The following MDGA2 variants were observed in gnomAD, a reference collection of about 807,000 sequenced individuals.
MDGA2 encodes the protein MAM domain-containing glycosylphosphatidylinositol anchor protein 2.
A neutral mutation model predicts 117.8 loss-of-function variants in MDGA2; 40 were observed. The observed-to-expected ratio is 0.34, with a 90% CI of 0.26 to 0.44. The LOEUF (loss-of-function observed/expected upper bound fraction) is 0.44, where lower values mean the gene tolerates loss of function less well. Among genes scored for constraint, MDGA2 ranks in the 20% least tolerant of loss-of-function variants. The pLI, the probability that MDGA2 is intolerant of heterozygous loss-of-function variation, is 1.00. For synonymous variants in MDGA2, 452 were observed against 439.0 expected (o/e 1.03, Z -0.37); for missense variants, 1,123 against 1,250.6 (o/e 0.90, Z 1.54).
intron 14 of MDGA2, among the ~76,000 whole-genome samples, chr14:46,858,594 A>AG: frequency 6.6e-6 from 1 of 151,278 alleles, no homozygotes; most frequent in East Asian, 2.0e-4. Flanking sequence ...CACCCGGCTA[A>AG]TTTTTTGTAT....
chr14:47,121,470 A>T (rs868520430), intron 5 of MDGA2, among the ~76,000 whole-genome samples: 9 of 152,036 alleles, frequency 5.9e-5, no homozygotes, highest in Non-Finnish European at 1.3e-4. Context: ...TTTCGCTATG[A>T]TTTAATATTA....
chr14:47,024,484 T>C (rs1888403293), intron 8 of MDGA2, among the ~76,000 whole-genome samples: 1 of 152,206 alleles, frequency 6.6e-6, no homozygotes, highest in Non-Finnish European at 1.5e-5. Flanking sequence ...GAATACTTCC[T>C]GTTTCTTAAA....
chr14:46,977,642 C>G (rs928044007), intron 8 of MDGA2, among the ~76,000 whole-genome samples: 1 of 151,810 alleles, frequency 6.6e-6, no homozygotes. Flanking sequence ...CTAATTAAGT[C>G]AGAATTTTAC....
intron 5 of MDGA2, among the ~76,000 whole-genome samples, chr14:47,120,189 G>A (rs996204426): frequency 6.6e-6 from 1 of 152,118 alleles, no homozygotes; most frequent in Non-Finnish European, 1.5e-5. Flanking sequence ...AACGTAAAGA[G>A]TAGCTTTAAT....
At chr14:46,966,726 A>T (rs1886043722) in intron 8 of MDGA2, among the ~76,000 whole-genome samples, 1 of 145,052 alleles carries the variant, frequency 6.9e-6, no homozygotes, top group Admixed American at 7.1e-5. Context: ...TAAAGTCATT[A>T]AGTAACAAGT....
chr14:47,423,290 C>G (rs562677571), intron 1 of MDGA2, among the ~76,000 whole-genome samples: 1 of 152,276 alleles, frequency 6.6e-6, no homozygotes, highest in South Asian at 2.1e-4. Context: ...AAGTAATTCA[C>G]TTCTGTGAGT....
rs571798393 is a variant in MDGA2 at position 47,243,745 on chromosome 14, G to T, written c.421-25550C>A. 6.6e-5 allele frequency among the ~76,000 whole-genome samples: 10 copies of T among 151,850 alleles called. No individual in the cohort carries two copies. The East Asian group carries it at 1.9e-3, about 29-fold the overall frequency. Reference sequence around the variant, plus strand: ...CACCTTAAGAGCTGTAACGCTCACCGCGAGGGTCCGAGGCTTCATTCTTGA... The same window carrying T: ...CACCTTAAGAGCTGTAACGCTCACCTCGAGGGTCCGAGGCTTCATTCTTGA... On this transcript the variant is annotated intron_variant, in intron 2 of 16. Transcript: ENST00000399232.
chr14:47,535,560 T>C (rs941627573), intron 1 of MDGA2, among the ~76,000 whole-genome samples: 4 of 152,180 alleles, frequency 2.6e-5, no homozygotes, highest in African/African-American at 7.2e-5. Context: ...AGAAAGGACG[T>C]GGAAGAAGTG....
At chr14:47,579,668 T>A (rs960071187) in intron 1 of MDGA2, among the ~76,000 whole-genome samples, 1 of 152,046 alleles carries the variant, frequency 6.6e-6, no homozygotes, top group Admixed American at 6.6e-5. Flanking sequence ...TTCTCACTTT[T>A]AAAATGAAAT....
In MDGA2 at chr14:47,035,314, G is replaced by T. The variant is rs757767640; in HGVS notation, c.1526-10C>A. ...GTCAGATTGGGTGGAACTTGAAATG[G>T]GAAAAAGAAAATTTTTCAAGGTTAG... On this transcript the variant is annotated splice_polypyrimidine_tract_variant and intron_variant, in intron 7 of 16. Coordinates refer to ENST00000399232, the MANE Select transcript of MDGA2 (RefSeq NM_001113498.3). 1 of 1,597,716 alleles carries T rather than the reference G, an allele frequency of 6.3e-7. No homozygotes were observed.
At chr14:47,248,218 A>T (rs1171231018) in intron 2 of MDGA2, among the ~76,000 whole-genome samples, 1 of 151,634 alleles carries the variant, frequency 6.6e-6, no homozygotes, top group African/African-American at 2.4e-5. Context: ...AATAAATAAA[A>T]AAAATAAATA....
intron 10 of MDGA2, among the ~76,000 whole-genome samples, chr14:46,914,958 C>T (rs1357514529): frequency 1.3e-5 from 2 of 151,964 alleles, no homozygotes; most frequent in South Asian, 2.1e-4. Context: ...AAAATTTGGC[C>T]TTCTAGTAAA....
intron 1 of MDGA2, among the ~76,000 whole-genome samples, chr14:47,383,005 C>A (rs559833354): frequency 6.6e-6 from 1 of 152,146 alleles, no homozygotes; most frequent in East Asian, 1.9e-4. Flanking sequence ...ACATATACAC[C>A]AGGAAATACT....
At chr14:46,930,894 T>A (rs1471175420) in intron 9 of MDGA2, among the ~76,000 whole-genome samples, 1 of 152,094 alleles carries the variant, frequency 6.6e-6, no homozygotes, top group South Asian at 2.1e-4. Flanking sequence ...GGAAATCAAT[T>A]GTACTTAAAA....
chr14:47,105,429 G>C (rs1330373653), intron 5 of MDGA2, among the ~76,000 whole-genome samples: 2 of 151,194 alleles, frequency 1.3e-5, no homozygotes, highest in African/African-American at 4.9e-5. Flanking sequence ...CTTCACTATG[G>C]GTAAGCTTCC....
intron 8 of MDGA2, among the ~76,000 whole-genome samples, chr14:46,998,845 G>A (rs1020642263): frequency 2.0e-4 from 31 of 151,930 alleles, no homozygotes; most frequent in African/African-American, 7.5e-4. Flanking sequence ...ATTGGACAAG[G>A]AATTTGATGC....
intron 3 of MDGA2, among the ~76,000 whole-genome samples, chr14:47,159,988 T>C (rs1210178779): frequency 6.6e-6 from 1 of 152,188 alleles, no homozygotes; most frequent in Non-Finnish European, 1.5e-5. Context: ...TATGGCTAGT[T>C]TTCCCCTAGA....
At chr14:47,598,106 ACAAAGCTAGGACTT>A (rs1185535964) in intron 1 of MDGA2, among the ~76,000 whole-genome samples, 1 of 152,216 alleles carries the variant, frequency 6.6e-6, no homozygotes, top group East Asian at 1.9e-4. Flanking sequence ...AACCAGAGCC[ACAAAGCTAGGACTT>A]CACAAATTCA....
intron 1 of MDGA2, among the ~76,000 whole-genome samples, chr14:47,547,876 C>T (rs553975135): frequency 2.0e-5 from 3 of 152,172 alleles, no homozygotes; most frequent in South Asian, 2.1e-4. Flanking sequence ...TTATTAAATA[C>T]GATTAATCTA....
Sources: gnomAD v4.1 joint callset for allele counts (sites outside exome capture counted in the v4.1 genomes callset) on GRCh38, gnomAD v4.1.1 for gene constraint, MANE v1.5 for transcripts, NCBI Gene and HGNC (gene_info 2026-07-23, HGNC 2026-07-21) for gene names.